The following BABAM2 variants were observed in gnomAD, a reference collection of about 807,000 sequenced individuals.
BABAM2 encodes the protein BRISC and BRCA1-A complex member 2.
Under a neutral mutation model 54.7 loss-of-function variants are expected in BABAM2, and 31 were observed. That is an observed-to-expected ratio of 0.57 (90% CI 0.43 to 0.77). The LOEUF (loss-of-function observed/expected upper bound fraction) is 0.77. BABAM2 is among the 30% of genes least tolerant of loss of function. The pLI, the probability that BABAM2 is intolerant of heterozygous loss-of-function variation, is 0.00. For synonymous variants in BABAM2, 167 were observed against 162.9 expected (o/e 1.03, Z -0.19); for missense variants, 364 against 455.8 (o/e 0.80, Z 1.83).
intron 6 of BABAM2, among the ~76,000 whole-genome samples, chr2:28,098,887 G>A (rs1666839279): frequency 2.0e-5 from 3 of 152,224 alleles, no homozygotes; most frequent in Admixed American, 6.5e-5. Context: ...TGTGAAAGTG[G>A]AGGTAAATGC....
intron 3 of BABAM2, among the ~76,000 whole-genome samples, chr2:27,945,527 C>T (rs1024176796): frequency 1.3e-5 from 2 of 152,100 alleles, no homozygotes; most frequent in African/African-American, 4.8e-5. Flanking sequence ...TTCGGATATT[C>T]TAAGTCCTTT....
chr2:27,945,349 A>G (rs1669223011), intron 3 of BABAM2, among the ~76,000 whole-genome samples: 1 of 152,058 alleles, frequency 6.6e-6, no homozygotes, highest in South Asian at 2.1e-4. Context: ...TTTTGATCAT[A>G]TATTTGTTAA....
chr2:28,230,863 T>C (rs1007319455), intron 7 of BABAM2, among the ~76,000 whole-genome samples: 1 of 152,226 alleles, frequency 6.6e-6, no homozygotes, highest in African/African-American at 2.4e-5. Context: ...ATGGTATCTT[T>C]AAGATGATAA....
intron 3 of BABAM2, among the ~76,000 whole-genome samples, chr2:27,965,465 T>C (rs540684438): frequency 6.6e-6 from 1 of 152,328 alleles, no homozygotes; most frequent in East Asian, 1.9e-4. Context: ...ATCAGCTTTT[T>C]CCCAAATAAT....
intron 6 of BABAM2, among the ~76,000 whole-genome samples, chr2:28,071,158 C>T (rs192639354): frequency 1.6e-3 from 242 of 152,290 alleles, no homozygotes; most frequent in African/African-American, 5.6e-3. Flanking sequence ...AGGAAGAAAC[C>T]CTCGACATTC....
intron 6 of BABAM2, among the ~76,000 whole-genome samples, chr2:28,127,131 C>T (rs1281581576): frequency 6.6e-6 from 1 of 152,074 alleles, no homozygotes; most frequent in Non-Finnish European, 1.5e-5. Flanking sequence ...TGTGCAGAAG[C>T]TCTTTAGTTT....
intron 10 of BABAM2, among the ~76,000 whole-genome samples, chr2:28,250,540 T>C (rs942041023): frequency 1.3e-5 from 2 of 151,058 alleles, no homozygotes; most frequent in African/African-American, 4.8e-5. Context: ...CACAACAATA[T>C]AGCTTTTTCT....
chr2:28,198,564 G>C (rs1677888173), intron 7 of BABAM2, among the ~76,000 whole-genome samples: 1 of 152,138 alleles, frequency 6.6e-6, no homozygotes, highest in Non-Finnish European at 1.5e-5. Flanking sequence ...ATCTTCAATT[G>C]TTGGTACCTG....
At chr2:28,111,134 ATTTTTTTTTTTTTTTGTAT>A (rs1326286527) in intron 6 of BABAM2, among the ~76,000 whole-genome samples, 3 of 101,898 alleles carry the variant, frequency 2.9e-5, no homozygotes, top group South Asian at 3.3e-4. Context: ...ACGCCTGGCT[ATTTTTTTTTTTTTTTGTAT>A]TTTTTTTTTA....
intron 7 of BABAM2, among the ~76,000 whole-genome samples, chr2:28,212,394 A>G (rs1353701111): frequency 6.6e-6 from 1 of 152,124 alleles, no homozygotes; most frequent in Non-Finnish European, 1.5e-5. Flanking sequence ...CATCCATAAT[A>G]CATTCTCATG....
At chr2:28,263,998 G>A (rs1025264420) in intron 10 of BABAM2, among the ~76,000 whole-genome samples, 1 of 152,182 alleles carries the variant, frequency 6.6e-6, no homozygotes, top group Admixed American at 6.5e-5. Flanking sequence ...TGTGATTGAG[G>A]CCAGAGAACT....
intron 5 of BABAM2, among the ~76,000 whole-genome samples, chr2:28,027,565 G>A (rs900058823): frequency 6.6e-6 from 1 of 152,188 alleles, no homozygotes; most frequent in East Asian, 1.9e-4. Context: ...CATACAGTAT[G>A]TGGTTTTTGT....
At chr2:28,220,189 G>A (rs957130921) in intron 7 of BABAM2, among the ~76,000 whole-genome samples, 2 of 152,192 alleles carry the variant, frequency 1.3e-5, no homozygotes, top group Admixed American at 6.5e-5. Flanking sequence ...GCAGCGGAAT[G>A]TGTGGGTTCA....
intron 4 of BABAM2, among the ~76,000 whole-genome samples, chr2:27,989,812 T>A (rs1672655392): frequency 6.6e-6 from 1 of 152,216 alleles, no homozygotes; most frequent in African/African-American, 2.4e-5. Context: ...TTTTTGAAAT[T>A]GCATTTAAAA....
chr2:28,251,049 T>TAA (rs780468679), intron 10 of BABAM2, among the ~76,000 whole-genome samples: 8 of 152,226 alleles, frequency 5.3e-5, no homozygotes, highest in Non-Finnish European at 1.2e-4. Flanking sequence ...TTATTCAGTC[T>TAA]AATGAATGAT....
intron 3 of BABAM2, among the ~76,000 whole-genome samples, chr2:27,982,714 C>T (rs7577342): frequency 0.66 from 99,499 of 151,838 alleles, 34,271 homozygotes; most frequent in Middle Eastern, 0.8. Flanking sequence ...TCAGGTGTTT[C>T]GTATAAGTGG....
intron 6 of BABAM2, among the ~76,000 whole-genome samples, chr2:28,125,296 TA>T (rs1251118809): frequency 2.6e-5 from 4 of 151,944 alleles, no homozygotes; most frequent in Non-Finnish European, 5.9e-5. Context: ...TTTATTTTAT[TA>T]TTATTATTTT....
chr2:28,284,395 TA>T lies in BABAM2; in HGVS notation c.935-13930del, dbSNP rs1243975174. ...AAAGATTGATTATATTGTGGGTCTT[TA>T]AAAAAAAAAAAACACTCACAAATAA... On this transcript the variant is annotated intron_variant, in intron 10 of 11. Coordinates refer to ENST00000379624, the MANE Select transcript of BABAM2 (RefSeq NM_199191.3). Among the ~76,000 whole-genome samples, 1,324 of 137,662 alleles carry T rather than the reference TA, an allele frequency of 9.6e-3. 11 individuals are homozygous for T. The highest frequency in any genetic ancestry group is 0.028 in the African/African-American group (1,069 of 37,676). 90.3% of individuals were successfully genotyped at this position (137,662 alleles called of 152,430 possible).
At chr2:28,292,182 T>C (rs1216234027) in intron 10 of BABAM2, among the ~76,000 whole-genome samples, 2 of 152,162 alleles carry the variant, frequency 1.3e-5, no homozygotes, top group African/African-American at 4.8e-5. Context: ...TTTGGAAGGT[T>C]TGAAGAAATG....
Sources: allele counts gnomAD v4.1 joint callset (sites outside exome capture counted in the v4.1 genomes callset), GRCh38; gene constraint gnomAD v4.1.1; transcripts MANE v1.5; gene names NCBI Gene and HGNC (gene_info 2026-07-23, HGNC 2026-07-21).